TMX2: variants seen among roughly 807,000 people sequenced by gnomAD.
TMX2 encodes thioredoxin-related transmembrane protein 2.
Under a neutral mutation model 33.4 loss-of-function variants are expected in TMX2, and 20 were observed. The ratio of observed to expected loss-of-function variants is 0.60; its 90% CI spans 0.42 to 0.87. The LOEUF is 0.87. Among genes scored for constraint, TMX2 ranks in the 40% least tolerant of loss-of-function variants. TMX2 has a pLI of 0.00. For synonymous variants in TMX2, 166 were observed against 140.7 expected (o/e 1.18, Z -1.27); for missense variants, 340 against 370.7 (o/e 0.92, Z 0.68).
chr11:57,738,315 CTT>C (rs1948873927), intron 3 of TMX2, 37 bp from the exon 4 acceptor site: 2 of 1,473,594 alleles, frequency 1.4e-6, no homozygotes. Context: ...CTGTGTAAGG[CTT>C]TTTATGTTTC....
intron 1 of TMX2, among the ~76,000 whole-genome samples, chr11:57,730,426 TAAAAAAAAAAAAAAA>T (rs61228178): frequency 1.4e-3 from 32 of 23,576 alleles, no homozygotes; most frequent in Admixed American, 4.5e-3. Context: ...AAACTGTCTT[TAAAAAAAAAAAAAAA>T]AAAAAAAAAA....
At chr11:57,728,490 C>T (rs139814624) in intron 1 of TMX2, among the ~76,000 whole-genome samples, 2 of 152,278 alleles carry the variant, frequency 1.3e-5, no homozygotes, top group East Asian at 3.9e-4. Context: ...TGAAGCCCCA[C>T]TGAGTTCGAG....
intron 1 of TMX2, chr11:57,718,238 G>C (rs1354987735): frequency 2.0e-6 from 3 of 1,490,296 alleles, no homozygotes; most frequent in Non-Finnish European, 2.8e-6. Flanking sequence ...CAATTGCCAT[G>C]GACAAGGTGC....
At chr11:57,715,800 C>T (rs1384187755) in intron 1 of TMX2, among the ~76,000 whole-genome samples, 1 of 151,114 alleles carries the variant, frequency 6.6e-6, no homozygotes, top group Non-Finnish European at 1.5e-5. Flanking sequence ...GAGCATGCTG[C>T]CTTCAAGCAT....
intron 1 of TMX2, among the ~76,000 whole-genome samples, chr11:57,733,828 C>T (rs1171362281): frequency 6.6e-6 from 1 of 152,152 alleles, no homozygotes; most frequent in African/African-American, 2.4e-5. Context: ...CTGTCTTCAA[C>T]CTGTGGCCTT....
At position 57,712,724 on chromosome 11, in the gene TMX2, T is replaced by G. The variant is rs1946684069; in HGVS notation, c.106T>G (p.Phe36Val). Residue 36 changes from phenylalanine to valine, a missense_variant, in exon 1 of 8, where the codon TTC (phenylalanine) becomes GTC (valine). Transcript: ENST00000278422. ...YLLSALLSAAFLLVRKLPPLC... is the reference protein window; with the variant it reads ...YLLSALLSAAVLLVRKLPPLC... The stretch of plus-strand genomic sequence containing the variant: ...TCTGTCGGCCCTGCTCTCTGCTGCC[T>G]TCCTACTCGTGAGGAAACTGCCGCC... 1 of 1,614,052 alleles carries G rather than the reference T, an allele frequency of 6.2e-7. No homozygotes were observed. The highest frequency in any genetic ancestry group is 1.3e-5 in the African/African-American group (1 of 74,946).
Position 57,734,815 on chromosome 11 carries a change from A to G in TMX2, c.190-2793A>G, listed in dbSNP as rs368146537. Among the ~76,000 whole-genome samples the G allele has an allele frequency of 2.0e-4, 31 of 152,088 alleles. No homozygotes were observed. The East Asian group carries it at 2.9e-3, about 14-fold the overall frequency. On this transcript the variant is annotated intron_variant, in intron 1 of 7. Coordinates refer to ENST00000278422, the MANE Select transcript of TMX2 (RefSeq NM_015959.4). ...AATCTTTCCACAACTTTCATTCCCA[A>G]TTCTAACCCACCTAGTTTCATTCAT...
chr11:57,735,062 G>A (rs999844551), intron 1 of TMX2, among the ~76,000 whole-genome samples: 5 of 151,590 alleles, frequency 3.3e-5, no homozygotes, highest in Admixed American at 6.6e-5. Flanking sequence ...CCTGGGAGGC[G>A]GAGGTTGCAA....
intron 1 of TMX2, chr11:57,717,979 C>T (rs1330604863): frequency 6.6e-6 from 5 of 757,648 alleles, no homozygotes; most frequent in Non-Finnish European, 1.2e-5. Context: ...GAGGGGTGCT[C>T]TCCTGAGAGG....
At chr11:57,719,376 G>A (rs1383471294) in intron 1 of TMX2, among the ~76,000 whole-genome samples, 6 of 150,692 alleles carry the variant, frequency 4.0e-5, no homozygotes, top group Admixed American at 4.0e-4. Context: ...TTTCTCTTTT[G>A]GATCTCATGC....
In TMX2 at chr11:57,737,967, C is replaced by A. The variant is rs1387010223; in HGVS notation, c.305C>A (p.Thr102Lys). 9.9e-6 allele frequency: 16 copies of A among 1,613,908 alleles called. No homozygotes were observed. ...NIFMFSKVAN[T>K]ILFFRLDIRM... ...TTCATGTTTAGTAAAGTGGCCAACA[C>A]AATTCTTTTCTTCCGCTTGGATATT... Residue 102 changes from threonine (T) to lysine (K), a missense_variant, in exon 3 of 8, where the codon ACA becomes AAA. Transcript: ENST00000278422.
chr11:57,722,341 A>G, intron 1 of TMX2, among the ~76,000 whole-genome samples: 1 of 151,902 alleles, frequency 6.6e-6, no homozygotes, highest in Non-Finnish European at 1.5e-5. Context: ...GAAAAAGATA[A>G]AAGAGTTGAG....
intron 1 of TMX2, among the ~76,000 whole-genome samples, chr11:57,713,008 C>T (rs965925658): frequency 1.3e-5 from 2 of 152,194 alleles, no homozygotes; most frequent in African/African-American, 4.8e-5. Context: ...ACATGTTAGT[C>T]GTAGCCCATG....
At chr11:57,728,118 C>A (rs1466499684) in intron 1 of TMX2, among the ~76,000 whole-genome samples, 1 of 152,180 alleles carries the variant, frequency 6.6e-6, no homozygotes, top group African/African-American at 2.4e-5. Flanking sequence ...GCCATGGTCA[C>A]TCATATTTGG....
intron 1 of TMX2, among the ~76,000 whole-genome samples, chr11:57,717,382 G>C (rs1947194797): frequency 6.6e-6 from 1 of 152,014 alleles, no homozygotes; most frequent in Admixed American, 6.6e-5. Flanking sequence ...AGCGAGCTGA[G>C]ATCACGCCAC....
intron 1 of TMX2, among the ~76,000 whole-genome samples, chr11:57,735,202 C>G (rs1389455420): frequency 6.6e-6 from 1 of 151,844 alleles, no homozygotes; most frequent in Non-Finnish European, 1.5e-5. Flanking sequence ...GCTCCCTCAC[C>G]CCTATTTTCT....
chr11:57,720,640 C>T (rs775381023), intron 1 of TMX2, among the ~76,000 whole-genome samples: 26 of 152,346 alleles, frequency 1.7e-4, no homozygotes, highest in Non-Finnish European at 2.9e-4. Flanking sequence ...TCAAGCCATC[C>T]GCCCGCTTTG....
chr11:57,733,887 C>T (rs529167371), intron 1 of TMX2, among the ~76,000 whole-genome samples: 15 of 152,060 alleles, frequency 9.9e-5, no homozygotes, highest in Admixed American at 5.9e-4. Context: ...AGCTGGAATG[C>T]GGGCTGGGTG....
At chr11:57,738,089 T>TG (rs1672914202) in intron 3 of TMX2, 63 bp downstream of exon 3, 1 of 1,349,412 alleles carries the variant, frequency 7.4e-7, no homozygotes, top group Non-Finnish European at 1.0e-6. Context: ...GACTTGATTG[T>TG]GGAAACCACA....
Sources: allele counts gnomAD v4.1 joint callset (sites outside exome capture counted in the v4.1 genomes callset), GRCh38; gene constraint gnomAD v4.1.1; transcripts MANE v1.5; gene names NCBI Gene and HGNC (gene_info 2026-07-23, HGNC 2026-07-21).